Variants in MYH11 observed in about 807,000 individuals in gnomAD.
MYH11 encodes myosin-11.
A neutral mutation model predicts 246.6 loss-of-function variants in MYH11; 80 were observed. The ratio of observed to expected loss-of-function variants is 0.32; its 90% CI spans 0.27 to 0.39. The LOEUF is 0.39. Among genes scored for constraint, MYH11 ranks in the 10% least tolerant of loss-of-function variants. The pLI, the probability that MYH11 is intolerant of heterozygous loss-of-function variation, is 1.00. For missense variants in MYH11, 2,158 were observed against 2,546.8 expected (o/e 0.85, Z 3.29); for synonymous variants, 1,071 against 1,015.5 (o/e 1.05, Z -1.04).
At chr16:15,820,475 G>GAAAAAAAA (rs199534515) in intron 3 of MYH11, among the ~76,000 whole-genome samples, 1 of 104,392 alleles carries the variant, frequency 9.6e-6, no homozygotes. Context: ...ACTCCATCCG[G>GAAAAAAAA]AAAAAAAAAA....
At chr16:15,718,206 AATCC>A in intron 37 of MYH11, 105 bp downstream of exon 37, 1 of 1,563,998 alleles carries the variant, frequency 6.4e-7, no homozygotes, top group Non-Finnish European at 8.7e-7. Flanking sequence ...CTTGTCCCTC[AATCC>A]AGGGCCTGCA....
chr16:15,763,814 A>C lies in MYH11; in HGVS notation c.1111T>G (p.Ser371Ala). ...FKKERNTDQA[S>A]MPDNTAAQKV... is the part of the protein sequence containing the mutation. ...CAAGTACCTGTGTTATCTGGCATGG[A>C]CGCCTGGTCTGTGTTTCTTTCCTTC... The change falls in exon 10 of 41, where the codon TCC (serine) becomes GCC (alanine). Residue 371 changes from serine to alanine, a missense_variant. Ser to Ala is a moderately conservative substitution (Grantham distance 99, BLOSUM62 1). Transcript: ENST00000300036. 1 of 1,391,626 alleles carries C rather than the reference A, an allele frequency of 7.2e-7. No homozygotes were observed. The highest frequency in any genetic ancestry group is 9.5e-7 in the Non-Finnish European group (1 of 1,050,434). The allele number at this position is 1,391,626 out of a possible 1,614,324, so 86.2% of individuals were successfully genotyped here. A position where few individuals can be genotyped will look rare whatever the true frequency, so the allele number is the denominator to read the frequency against.
chr16:15,756,821 A>G (rs1036507171), intron 13 of MYH11, among the ~76,000 whole-genome samples: 13 of 127,046 alleles, frequency 1.0e-4, no homozygotes, highest in East Asian at 4.8e-4. Context: ...TTTTTGAGAC[A>G]GAGTTTTGCC....
chr16:15,713,672 G>C (rs558200913), intron 40 of MYH11: 14 of 152,380 alleles, frequency 9.2e-5, no homozygotes, highest in African/African-American at 3.4e-4. Context: ...ATTTTTGTTT[G>C]TTTGTTGTAG....
intron 2 of MYH11, among the ~76,000 whole-genome samples, chr16:15,835,807 G>A (rs942830021): frequency 6.7e-6 from 1 of 148,484 alleles, no homozygotes; most frequent in Non-Finnish European, 1.5e-5. Context: ...AGGCTAGAGT[G>A]CAGTGGCACA....
intron 9 of MYH11, 150 bp downstream of exon 9, chr16:15,771,419 A>G: frequency 1.0e-6 from 1 of 1,001,118 alleles, no homozygotes. Flanking sequence ...CACCTAGAAT[A>G]AAATTCATTT....
intron 4 of MYH11, among the ~76,000 whole-genome samples, chr16:15,794,148 G>A (rs1458982317): frequency 3.3e-5 from 5 of 149,644 alleles, no homozygotes; most frequent in South Asian, 2.1e-4. Flanking sequence ...GGGTTTCACC[G>A]TGTTAGCCAG....
intron 2 of MYH11, 152 bp from the exon 3 acceptor site, chr16:15,823,563 G>A: frequency 1.0e-6 from 1 of 1,002,148 alleles, no homozygotes; most frequent in Non-Finnish European, 1.6e-6. Context: ...AGGTACGTGG[G>A]AAGAGGAGAA....
intron 3 of MYH11, among the ~76,000 whole-genome samples, chr16:15,800,637 ATGGATGGG>A (rs1391816160): frequency 6.6e-6 from 1 of 151,208 alleles, no homozygotes; most frequent in East Asian, 2.0e-4. Context: ...GGATGGATGG[ATGGATGGG>A]AATATGAATG....
chr16:15,707,087 G>A (rs2039497915), intron 40 of MYH11, among the ~76,000 whole-genome samples: 3 of 152,102 alleles, frequency 2.0e-5, no homozygotes, highest in Admixed American at 1.3e-4. Flanking sequence ...TGCCCAGGCT[G>A]GAGTGCAGTG....
chr16:15,740,425 T>C (rs1028416525), intron 22 of MYH11, among the ~76,000 whole-genome samples: 1 of 151,962 alleles, frequency 6.6e-6, no homozygotes, highest in Admixed American at 6.6e-5. Context: ...CTGGCCAACA[T>C]GGTGAAACCC....
intron 2 of MYH11, among the ~76,000 whole-genome samples, chr16:15,824,281 CT>C (rs58481524): frequency 0.11 from 15,233 of 143,828 alleles, 2,240 homozygotes; most frequent in African/African-American, 0.33. Flanking sequence ...ATGTTGTTTA[CT>C]TTTTTTTTTT....
At chr16:15,741,715 A>G in intron 21 of MYH11, 45 bp downstream of exon 21, 1 of 1,614,064 alleles carries the variant, frequency 6.2e-7, no homozygotes, top group Non-Finnish European at 8.5e-7. Context: ...CCACGGGGCC[A>G]AGTCCTGTTC....
rs571144559 is a variant in MYH11, at chr16:15,795,223, G to A, written c.530+3437C>T. On this transcript the variant is annotated intron_variant, in intron 4 of 40. Transcript: ENST00000300036. ...CAGGAGAATTGCTTGAACCCAGGAG[G>A]CGGGGGTTGCAGTGAGCCAAGATCG... 3.9e-5 allele frequency among the ~76,000 whole-genome samples: 6 copies of A among 152,152 alleles called. No homozygotes were observed. In the South Asian group the frequency reaches 8.3e-4, roughly 21 times the overall value.
At chr16:15,717,943 T>A in intron 37 of MYH11, 1 of 365,332 alleles carries the variant, frequency 2.7e-6, no homozygotes, top group Non-Finnish European at 5.2e-6. Flanking sequence ...TGGTCCCTAG[T>A]GCCCACCATG....
In MYH11 at chr16:15,724,960, G is replaced by A. The variant is rs541280738; in HGVS notation, c.3891C>T (p.Asn1297=). 7.2e-5 allele frequency: 117 copies of A among 1,614,084 alleles called. No individual in the cohort carries two copies. In the South Asian group the frequency reaches 8.3e-4, roughly 12 times the overall value. ...NEVESVTGML[N]EAEGKAIKLA... is the part of the protein sequence containing the mutation. ...GCTTAATGGCCTTCCCCTCGGCCTC[G>A]TTAAGCATCCCTGTGACGCTCTCAA... The change falls in exon 29 of 41, where the codon AAC becomes AAT. Residue 1297 remains asparagine (N), a synonymous_variant. Coordinates refer to ENST00000300036, the MANE Select transcript of MYH11 (RefSeq NM_002474.3).
At chr16:15,817,421 G>T (rs1271719750) in intron 3 of MYH11, among the ~76,000 whole-genome samples, 3 of 152,076 alleles carry the variant, frequency 2.0e-5, no homozygotes, top group Non-Finnish European at 2.9e-5. Flanking sequence ...GAACCCAGGA[G>T]ACAGAGGTTG....
rs148228461 is a variant in MYH11 at position 15,842,578 on chromosome 16, G to A, written c.-17-4309C>T. On this transcript the variant is annotated intron_variant, in intron 1 of 40. Coordinates refer to ENST00000300036, the MANE Select transcript of MYH11 (RefSeq NM_002474.3). The stretch of plus-strand genomic sequence containing the variant: ...CGGAGTTCAAGACCAGCTGGCCAAC[G>A]TGGCGAAACCTGATCTCTACTAAAA... Among the ~76,000 whole-genome samples, 3 of 151,282 alleles carry A rather than the reference G, an allele frequency of 2.0e-5. No homozygotes were observed. In the East Asian group the frequency reaches 5.8e-4, roughly 29 times the overall value.
At chr16:15,810,331 G>A (rs1345865047) in intron 3 of MYH11, among the ~76,000 whole-genome samples, 1 of 151,976 alleles carries the variant, frequency 6.6e-6, no homozygotes, top group Non-Finnish European at 1.5e-5. Context: ...CACTGTGCCT[G>A]GCCAATATTT....
Sources: allele counts gnomAD v4.1 joint callset (sites outside exome capture counted in the v4.1 genomes callset), GRCh38; gene constraint gnomAD v4.1.1; transcripts MANE v1.5; gene names NCBI Gene and HGNC (gene_info 2026-07-23, HGNC 2026-07-21).